The following CCSER1 variants were observed in gnomAD, a reference collection of about 807,000 sequenced individuals.
CCSER1 encodes serine-rich coiled-coil domain-containing protein 1.
A neutral mutation model predicts 82.0 loss-of-function variants in CCSER1; 41 were observed. The ratio of observed to expected loss-of-function variants is 0.50; its 90% CI spans 0.39 to 0.65. The LOEUF (loss-of-function observed/expected upper bound fraction) is 0.65. Ranked by LOEUF, CCSER1 falls within the 30% of genes least tolerant of loss-of-function variation. CCSER1 has a pLI of 0.00. For synonymous variants in CCSER1, 414 were observed against 383.9 expected (o/e 1.08, Z -0.92); for missense variants, 1,119 against 1,064.2 (o/e 1.05, Z -0.72).
In CCSER1 at chr4:90,529,951, A is replaced by ATATATT. The variant is rs376043950; in HGVS notation, c.1724+61598_1724+61599insATATTT. On this transcript the variant is annotated intron_variant, in intron 5 of 10. Coordinates refer to ENST00000509176, the MANE Select transcript of CCSER1 (RefSeq NM_001145065.2). Reference sequence around the variant, plus strand: ...TATTAAATAGAATATATATATATATATTTTTTTTTTCTCTAATGGTAGAGA... The same window carrying ATATATT: ...TATTAAATAGAATATATATATATATATATATTTTTTTTTTTTCTCTAATGGTAGAGA... 9.9e-4 allele frequency among the ~76,000 whole-genome samples: 126 copies of ATATATT among 127,142 alleles called. No homozygotes were observed. The South Asian group carries it at 0.016, about 17-fold the overall frequency. 83.4% of individuals were successfully genotyped at this position (127,142 alleles called of 152,430 possible). A position where few individuals can be genotyped will look rare whatever the true frequency, so the allele number is the denominator to read the frequency against.
intron 4 of CCSER1, among the ~76,000 whole-genome samples, chr4:90,423,411 A>G (rs1757019129): frequency 1.3e-5 from 2 of 152,014 alleles, no homozygotes; most frequent in African/African-American, 2.4e-5. Flanking sequence ...AGTTTAGTAG[A>G]GACAGGGTTT....
At position 90,418,515 on chromosome 4, in the gene CCSER1, A is replaced by G. The variant is rs74712314; in HGVS notation, c.1603+18386A>G. ...TAATATTTATTGAGTCTAGGTGCCA[A>G]TTTATGAGGTAAATAACATCACTTT... On this transcript the variant is annotated intron_variant, in intron 4 of 10. Coordinates refer to ENST00000509176, the MANE Select transcript of CCSER1 (RefSeq NM_001145065.2). Among the ~76,000 whole-genome samples, 3 of 152,168 alleles carry G rather than the reference A, an allele frequency of 2.0e-5. No individual in the cohort carries two copies. In the East Asian group the frequency reaches 5.8e-4, roughly 29 times the overall value.
chr4:91,370,176 C>G (rs1049190941), intron 10 of CCSER1, among the ~76,000 whole-genome samples: 6 of 151,972 alleles, frequency 3.9e-5, no homozygotes, highest in African/African-American at 1.5e-4. Flanking sequence ...AGAGTTAAGT[C>G]TACACTTATA....
intron 1 of CCSER1, among the ~76,000 whole-genome samples, chr4:90,130,962 A>G (rs1004983190): frequency 6.6e-6 from 1 of 151,858 alleles, no homozygotes; most frequent in Non-Finnish European, 1.5e-5. Flanking sequence ...TACACATTTA[A>G]GAAGACAAAT....
At chr4:90,883,022 T>TATCTAA (rs2150080323) in intron 8 of CCSER1, among the ~76,000 whole-genome samples, 1 of 152,202 alleles carries the variant, frequency 6.6e-6, no homozygotes, top group African/African-American at 2.4e-5. Flanking sequence ...ATTATCCCAG[T>TATCTAA]TAGACTGATG....
chr4:91,197,650 T>C (rs558433573), intron 10 of CCSER1, among the ~76,000 whole-genome samples: 10 of 152,336 alleles, frequency 6.6e-5, no homozygotes, highest in Admixed American at 2.6e-4. Context: ...CTAGTATGTA[T>C]TTACATTTTA....
At chr4:90,524,570 G>A (rs569325574) in intron 5 of CCSER1, among the ~76,000 whole-genome samples, 11 of 152,250 alleles carry the variant, frequency 7.2e-5, no homozygotes, top group Admixed American at 2.0e-4. Flanking sequence ...CCAGGTACAA[G>A]CGATTCTCCT....
At chr4:90,607,797 A>G (rs914311589) in intron 5 of CCSER1, among the ~76,000 whole-genome samples, 2 of 152,196 alleles carry the variant, frequency 1.3e-5, no homozygotes, top group Admixed American at 1.3e-4. Flanking sequence ...AGGGTAATGG[A>G]TACTTATAAC....
intron 8 of CCSER1, among the ~76,000 whole-genome samples, chr4:90,872,305 A>G (rs1326229313): frequency 6.6e-6 from 1 of 150,904 alleles, no homozygotes; most frequent in African/African-American, 2.4e-5. Flanking sequence ...TTTTTGTGAA[A>G]GTGATTTTCT....
chr4:91,221,106 C>A (rs1737706911), intron 10 of CCSER1, among the ~76,000 whole-genome samples: 1 of 151,844 alleles, frequency 6.6e-6, no homozygotes, highest in Admixed American at 6.6e-5. Flanking sequence ...GGAAGGATGG[C>A]CTCATGTTAT....
At chr4:90,819,319 A>C (rs1190110343) in intron 8 of CCSER1, among the ~76,000 whole-genome samples, 1 of 152,178 alleles carries the variant, frequency 6.6e-6, no homozygotes, top group East Asian at 1.9e-4. Context: ...GCCGGGAGTC[A>C]GGGCTTCAAT....
rs569994882 is a variant in CCSER1 at position 91,330,114 on chromosome 4, C to A, written c.2217+244120C>A. ...AATGTAATTCTTCAAGTGTATTTTA[C>A]TTCCCTCTAAGTACTGCTTTTACTC... is the stretch of plus-strand genomic sequence containing the variant. On this transcript the variant is annotated intron_variant, in intron 10 of 10. Coordinates refer to ENST00000509176, the MANE Select transcript of CCSER1 (RefSeq NM_001145065.2). Among the ~76,000 whole-genome samples the A allele has an allele frequency of 4.2e-3, 638 of 152,180 alleles. 4 individuals are homozygous for A. Among genetic ancestry groups the A allele is most frequent in the Middle Eastern group, 0.014 (4 of 294 alleles).
Position 91,161,577 on chromosome 4 carries a change from G to A in CCSER1, c.2217+75583G>A, listed in dbSNP as rs138933522. Among the ~76,000 whole-genome samples, 900 of 152,000 alleles carry A rather than the reference G, an allele frequency of 5.9e-3. 4 individuals carry two copies. Among genetic ancestry groups the A allele is most frequent in the Admixed American group, 0.01 (156 of 15,260 alleles). ...ATTTGTTTGTGTCCTCTTTTATTTC[G>A]TTGAGCAGTAGTTTGTAGTTCTCTT... On this transcript the variant is annotated intron_variant, in intron 10 of 10. Transcript: ENST00000509176.
intron 10 of CCSER1, among the ~76,000 whole-genome samples, chr4:91,316,809 T>C (rs1382466509): frequency 6.6e-6 from 1 of 151,876 alleles, no homozygotes; most frequent in African/African-American, 2.4e-5. Context: ...TCCTATCTCC[T>C]TCAGTGTAAA....
intron 4 of CCSER1, among the ~76,000 whole-genome samples, chr4:90,452,712 T>C (rs1761628348): frequency 6.6e-6 from 1 of 152,212 alleles, no homozygotes; most frequent in Admixed American, 6.5e-5. Context: ...AAAGGCCCTT[T>C]TAGCCTCTGG....
chr4:90,529,918 T>C (rs557035891), intron 5 of CCSER1, among the ~76,000 whole-genome samples: 144 of 149,634 alleles, frequency 9.6e-4, no homozygotes, highest in East Asian at 3.2e-3. Context: ...ATAGATCCTT[T>C]AGCAGCATAT....
intron 10 of CCSER1, among the ~76,000 whole-genome samples, chr4:91,511,065 G>A (rs1434633286): frequency 6.6e-6 from 1 of 152,068 alleles, no homozygotes; most frequent in Non-Finnish European, 1.5e-5. Context: ...AGTTACTGCA[G>A]CAATATTTAT....
chr4:90,153,191 C>T (rs1727244773), intron 1 of CCSER1, among the ~76,000 whole-genome samples: 2 of 151,786 alleles, frequency 1.3e-5, no homozygotes, highest in South Asian at 4.2e-4. Context: ...CAATTTCATC[C>T]ATGTCCCTAC....
chr4:90,898,198 G>A (rs901481684), intron 8 of CCSER1, among the ~76,000 whole-genome samples: 2 of 146,302 alleles, frequency 1.4e-5, no homozygotes, highest in African/African-American at 2.5e-5. Flanking sequence ...TGAATACACA[G>A]AAGAGTTTTT....
Sources: allele counts gnomAD v4.1 joint callset (sites outside exome capture counted in the v4.1 genomes callset), GRCh38; gene constraint gnomAD v4.1.1; transcripts MANE v1.5; gene names NCBI Gene and HGNC (gene_info 2026-07-23, HGNC 2026-07-21).